DGCR2: variants seen among roughly 807,000 people sequenced by gnomAD.
The protein encoded by DGCR2 is integral membrane protein DGCR2/IDD.
DGCR2 carries 24 observed loss-of-function variants against 51.6 expected under a neutral mutation model. That is an observed-to-expected ratio of 0.47 (90% confidence interval 0.34 to 0.65). The LOEUF is 0.65. Ranked by LOEUF, DGCR2 falls within the 30% of genes least tolerant of loss-of-function variation. The pLI is 0.01. For missense variants in DGCR2, 765 were observed against 772.1 expected (o/e 0.99, Z 0.11); for synonymous variants, 340 against 315.4 (o/e 1.08, Z -0.82).
chr22:19,096,895 A>AC (rs1491105127), intron 1 of DGCR2, among the ~76,000 whole-genome samples: 54 of 101,678 alleles, frequency 5.3e-4, no homozygotes, highest in Middle Eastern at 5.2e-3. Flanking sequence ...AAAAAAAAAC[A>AC]AAAAAAAAAA....
chr22:19,089,522 G>A (rs1481562725), intron 1 of DGCR2, 32 bp from the exon 2 acceptor site: 1 of 1,508,068 alleles, frequency 6.6e-7, no homozygotes, highest in South Asian at 1.3e-5. Flanking sequence ...GGCCATTGAG[G>A]AAGTGGCAGT....
intron 1 of DGCR2, among the ~76,000 whole-genome samples, chr22:19,120,986 A>G (rs1375726526): frequency 6.6e-6 from 1 of 152,238 alleles, no homozygotes; most frequent in Admixed American, 6.5e-5. Context: ...AGCACCGGTC[A>G]GGGCCTTGGC....
chr22:19,057,127 A>C lies in DGCR2; in HGVS notation c.661T>G (p.Phe221Val). The C allele has an allele frequency of 6.2e-7, 1 of 1,608,504 alleles. No individual in the cohort carries two copies. Among genetic ancestry groups the C allele is most frequent in the East Asian group, 2.2e-5 (1 of 44,764 alleles). The part of the protein sequence containing the change: ...SEVFLPPDPI[F>V]ASAMSENDNV... ...TCGTTCTCAGACATGGCCGAGGCAA[A>C]GATGGGGTCTGGGGGCAGGAACACC... is the stretch of plus-strand genomic sequence containing the variant. Residue 221 changes from phenylalanine to valine, a missense_variant, in exon 6 of 10, where the codon TTT becomes GTT. By Grantham distance (50) the Phe-to-Val change is conservative (BLOSUM62 -1). This residue lies in a region of DGCR2 where 370 missense variants were observed against 325.5 expected (regional missense o/e 1.14). Coordinates refer to ENST00000263196, the MANE Select transcript of DGCR2 (RefSeq NM_005137.3). The surrounding 1 kb of genome is among the most constrained non-coding windows in gnomAD (Gnocchi z 5.1).
At chr22:19,093,456 C>T (rs1324365976) in intron 1 of DGCR2, among the ~76,000 whole-genome samples, 1 of 151,968 alleles carries the variant, frequency 6.6e-6, no homozygotes, top group East Asian at 1.9e-4. Context: ...AGAAAATCTT[C>T]GCACCCTTGG....
In DGCR2 at chr22:19,108,669, C is replaced by T. The variant is rs143343213; in HGVS notation, c.79+13459G>A. ...AGAAATAGACCTACACAAATGTAGT[C>T]AATGGATTCTGACAAAGGTACAAAG... On this transcript the variant is annotated intron_variant, in intron 1 of 9. Transcript: ENST00000263196. 1.3e-3 allele frequency among the ~76,000 whole-genome samples: 186 copies of T among 145,978 alleles called. 1 individual carries two copies. Among genetic ancestry groups the T allele is most frequent in the African/African-American group, 4.5e-3 (181 of 39,874 alleles).
chr22:19,040,975 T>C, intron 9 of DGCR2, 83 bp downstream of exon 9: 1 of 1,280,780 alleles, frequency 7.8e-7, no homozygotes, highest in Non-Finnish European at 1.1e-6. Context: ...CCTAGGCCTC[T>C]GCAGCTGGGC....
Position 19,038,578 on chromosome 22 carries a change from A to G in DGCR2, c.*287T>C, listed in dbSNP as rs760939880. The G allele has an allele frequency of 1.2e-5, 6 of 485,778 alleles. No homozygotes were observed. In the Admixed American group the frequency reaches 1.6e-4, roughly 13 times the overall value. The allele number at this position is 485,778 out of a possible 1,614,324, so 30.1% of individuals were successfully genotyped here. ...ACCTTCTTCATTCCCTGCCTCTAAC[A>G]TGTGCGGTCTGAATGAATTTTGTCA... On this transcript the variant is annotated 3_prime_UTR_variant, in exon 10 of 10. Coordinates refer to ENST00000263196, the MANE Select transcript of DGCR2 (RefSeq NM_005137.3).
At chr22:19,110,465 T>C (rs115093869) in intron 1 of DGCR2, among the ~76,000 whole-genome samples, 275 of 152,062 alleles carry the variant, frequency 1.8e-3, no homozygotes, top group African/African-American at 6.1e-3. Flanking sequence ...AAGGTTCACA[T>C]TGAAAAGGCG....
chr22:19,062,813 C>CCTGATAGT (rs531049579), intron 5 of DGCR2, among the ~76,000 whole-genome samples: 94 of 116,872 alleles, frequency 8.0e-4, no homozygotes, highest in Non-Finnish European at 1.3e-3. Context: ...TCTCTATCTG[C>CCTGATAGT]CTGATAGTTT....
chr22:19,061,216 G>C (rs1208245773), intron 5 of DGCR2: 5 of 174,816 alleles, frequency 2.9e-5, no homozygotes, highest in Non-Finnish European at 6.1e-5. Flanking sequence ...GAGAAAGGCT[G>C]GGGTGGGCTG....
intron 7 of DGCR2, among the ~76,000 whole-genome samples, chr22:19,042,739 G>T (rs543166134): frequency 7.9e-4 from 121 of 152,292 alleles, no homozygotes; most frequent in African/African-American, 2.8e-3. Context: ...GTACACTTGG[G>T]ACTCGGATTG....
intron 1 of DGCR2, among the ~76,000 whole-genome samples, chr22:19,109,830 G>T (rs1221105224): frequency 1.3e-5 from 2 of 152,168 alleles, no homozygotes; most frequent in Non-Finnish European, 2.9e-5. Context: ...ACCCTGAAAA[G>T]CACATATAAA....
chr22:19,041,011 G>T, intron 9 of DGCR2, 47 bp downstream of exon 9: 1 of 1,497,928 alleles, frequency 6.7e-7, no homozygotes, highest in Non-Finnish European at 9.1e-7. Context: ...AGCCCCACGT[G>T]CCAGGTTACT....
chr22:19,091,571 T>A (rs1003608907), intron 1 of DGCR2, among the ~76,000 whole-genome samples: 1 of 152,192 alleles, frequency 6.6e-6, no homozygotes, highest in Admixed American at 6.5e-5. Context: ...GAATCCACAA[T>A]TAAAGTCAGA....
chr22:19,103,539 T>C (rs2146037910), intron 1 of DGCR2, among the ~76,000 whole-genome samples: 1 of 143,432 alleles, frequency 7.0e-6, no homozygotes, highest in East Asian at 2.2e-4. Flanking sequence ...CATGCCCTTC[T>C]CCTGCCTCAG....
intron 2 of DGCR2, among the ~76,000 whole-genome samples, chr22:19,088,410 C>A (rs775388140): frequency 1.6e-4 from 24 of 152,162 alleles, no homozygotes; most frequent in Non-Finnish European, 3.2e-4. Context: ...CTTGTCTATG[C>A]AGAAACAGAA....
intron 1 of DGCR2, among the ~76,000 whole-genome samples, chr22:19,096,598 C>T (rs2525038): frequency 7.9e-6 from 1 of 127,134 alleles, no homozygotes; most frequent in Admixed American, 8.3e-5. Context: ...ATAAAGTTAA[C>T]AAAAAATTTT....
At chr22:19,058,914 T>G (rs1252373558) in intron 5 of DGCR2, among the ~76,000 whole-genome samples, 1 of 152,238 alleles carries the variant, frequency 6.6e-6, no homozygotes, top group East Asian at 1.9e-4. Flanking sequence ...GGCACCTGTG[T>G]AGCGCCCCTG....
At chr22:19,049,990 T>C (rs1357743048) in intron 6 of DGCR2, among the ~76,000 whole-genome samples, 2 of 151,808 alleles carry the variant, frequency 1.3e-5, no homozygotes, top group East Asian at 3.9e-4. Flanking sequence ...CACCATTAAG[T>C]ACACCAACAT....
Sources: gnomAD v4.1 joint callset for allele counts (sites outside exome capture counted in the v4.1 genomes callset) on GRCh38, gnomAD v4.1.1 for gene constraint, gnomAD v4.1.1 regional missense constraint, Gnocchi (gnomAD v3.1) non-coding constraint, MANE v1.5 for transcripts, NCBI Gene and HGNC (gene_info 2026-07-23, HGNC 2026-07-21) for gene names.